The following TNR variants were observed in gnomAD, a reference collection of about 807,000 sequenced individuals.
The protein encoded by TNR is tenascin-R.
Under a neutral mutation model 150.4 loss-of-function variants are expected in TNR, and 45 were observed. The ratio of observed to expected loss-of-function variants is 0.30; its 90% CI spans 0.24 to 0.38. The LOEUF (loss-of-function observed/expected upper bound fraction) is 0.38, where lower values mean the gene tolerates loss of function less well. TNR is among the 10% of genes least tolerant of loss of function. The probability of loss-of-function intolerance (pLI) is 1.00; values close to 1 mark genes in which losing one functional copy is unlikely to be tolerated. For synonymous variants in TNR, 687 were observed against 678.4 expected (o/e 1.01, Z -0.20); for missense variants, 1,544 against 1,759.1 (o/e 0.88, Z 2.19).
intron 18 of TNR, among the ~76,000 whole-genome samples, chr1:175,338,551 G>A (rs1202979168): frequency 6.6e-6 from 1 of 152,208 alleles, no homozygotes; most frequent in African/African-American, 2.4e-5. Context: ...TGGTTTGGGT[G>A]CTCTGTAAAT....
At chr1:175,441,311 T>C (rs1356389118) in intron 2 of TNR, among the ~76,000 whole-genome samples, 1 of 152,168 alleles carries the variant, frequency 6.6e-6, no homozygotes, top group Non-Finnish European at 1.5e-5. Flanking sequence ...TTTGTTGGAA[T>C]TGTGCAAAAA....
At chr1:175,457,642 GC>G (rs1234809278) in intron 2 of TNR, among the ~76,000 whole-genome samples, 1 of 152,056 alleles carries the variant, frequency 6.6e-6, no homozygotes. Flanking sequence ...AGACCTTGAA[GC>G]AAAAAAACAG....
intron 1 of TNR, among the ~76,000 whole-genome samples, chr1:175,570,853 C>CTTT (rs1443231127): frequency 6.6e-6 from 1 of 152,176 alleles, no homozygotes; most frequent in African/African-American, 2.4e-5. Context: ...TCTCCCACAC[C>CTTT]TTTCCTAAAT....
At chr1:175,695,174 G>A (rs979878356) in intron 1 of TNR, among the ~76,000 whole-genome samples, 1 of 152,180 alleles carries the variant, frequency 6.6e-6, no homozygotes, top group African/African-American at 2.4e-5. Flanking sequence ...AGGGCTTCCT[G>A]TTGCTCTCCT....
At chr1:175,344,086 C>T (rs1435505202) in intron 18 of TNR, among the ~76,000 whole-genome samples, 1 of 152,216 alleles carries the variant, frequency 6.6e-6, no homozygotes, top group Non-Finnish European at 1.5e-5. Context: ...GCTCAAGGGC[C>T]TGCTTACAAA....
chr1:175,381,727 A>G (rs1036524685), intron 8 of TNR, among the ~76,000 whole-genome samples: 3 of 152,242 alleles, frequency 2.0e-5, no homozygotes, highest in Admixed American at 1.3e-4. Context: ...GAATAGACAT[A>G]TCTAGCCACT....
intron 2 of TNR, among the ~76,000 whole-genome samples, chr1:175,449,781 G>C (rs1179836437): frequency 6.6e-6 from 1 of 152,140 alleles, no homozygotes; most frequent in Admixed American, 6.5e-5. Flanking sequence ...CAGGAGGGAG[G>C]AGAGGCCTCT....
chr1:175,386,257 T>C lies in TNR; in HGVS notation c.1552A>G (p.Thr518Ala). ...GGAATCCACTCCACAAAAGCCACAG[T>C]GTCCGAGACATCGCGAACCAGGATC... ...TQILVRDVSD[T>A]VAFVEWIPPR... Residue 518 changes from threonine (T) to alanine (A), a missense_variant, in exon 8 of 23, where the codon ACT (threonine) becomes GCT (alanine). By Grantham distance (58) the Thr-to-Ala change is moderately conservative. This residue lies in a region of TNR where 1,254 missense variants were observed against 1,329.4 expected (regional missense o/e 0.94). Transcript: ENST00000367674. 1 of 1,591,296 alleles carries C rather than the reference T, an allele frequency of 6.3e-7. No homozygotes were observed. The highest frequency in any genetic ancestry group is 8.6e-7 in the Non-Finnish European group (1 of 1,163,356).
intron 8 of TNR, among the ~76,000 whole-genome samples, chr1:175,384,119 T>C (rs1339566219): frequency 2.6e-5 from 4 of 152,228 alleles, no homozygotes. Flanking sequence ...TCTCCTCTCC[T>C]TTTTGCCGCT....
At chr1:175,545,603 C>T (rs1660655953) in intron 1 of TNR, among the ~76,000 whole-genome samples, 1 of 152,172 alleles carries the variant, frequency 6.6e-6, no homozygotes, top group Admixed American at 6.5e-5. Flanking sequence ...ATAGCAAACA[C>T]ATAGTGCTCA....
intron 2 of TNR, among the ~76,000 whole-genome samples, chr1:175,480,999 C>T (rs1031138553): frequency 3.3e-5 from 5 of 151,942 alleles, no homozygotes; most frequent in Admixed American, 6.6e-5. Flanking sequence ...TAATGACTAC[C>T]AAGGAGTAAT....
At chr1:175,523,971 G>GCTC (rs1280540644) in intron 2 of TNR, among the ~76,000 whole-genome samples, 1 of 152,128 alleles carries the variant, frequency 6.6e-6, no homozygotes, top group Non-Finnish European at 1.5e-5. Context: ...TGCCCATGCT[G>GCTC]CTCCTCCTAC....
intron 1 of TNR, among the ~76,000 whole-genome samples, chr1:175,682,604 C>A (rs571044871): frequency 2.7e-4 from 41 of 152,302 alleles, no homozygotes; most frequent in African/African-American, 9.6e-4. Flanking sequence ...TATGATCACG[C>A]CTTATGATTA....
intron 1 of TNR, among the ~76,000 whole-genome samples, chr1:175,647,553 C>T (rs1464477416): frequency 6.6e-6 from 1 of 152,000 alleles, no homozygotes; most frequent in Non-Finnish European, 1.5e-5. Flanking sequence ...GAAGAAATCA[C>T]AGGCAGAACA....
chr1:175,681,271 C>T lies in TNR; in HGVS notation c.-165+61955G>A, dbSNP rs138666556. On this transcript the variant is annotated intron_variant, in intron 1 of 22. Transcript: ENST00000367674. ...AGTGCAGGAGGCCACGTGAGGAAGC[C>T]CGAGCCCAGAAAGAGAAGGAGAAAG... 6.2e-3 allele frequency among the ~76,000 whole-genome samples: 947 copies of T among 152,244 alleles called. 3 individuals are homozygous for T. The highest frequency in any genetic ancestry group is 0.01 in the Non-Finnish European group (711 of 68,010).
At chr1:175,594,985 T>G (rs1245831060) in intron 1 of TNR, among the ~76,000 whole-genome samples, 1 of 150,924 alleles carries the variant, frequency 6.6e-6, no homozygotes, top group Non-Finnish European at 1.5e-5. Context: ...TCCAACATGG[T>G]GAAACCCTGT....
At chr1:175,582,125 A>G (rs72725456) in intron 1 of TNR, among the ~76,000 whole-genome samples, 1,881 of 152,356 alleles carry the variant, frequency 0.012, 20 homozygotes, top group Middle Eastern at 0.024. Flanking sequence ...ATATTATCTC[A>G]TGACTTTTCC....
chr1:175,331,412 C>T (rs1478735158), intron 20 of TNR, among the ~76,000 whole-genome samples: 3 of 151,926 alleles, frequency 2.0e-5, no homozygotes, highest in Non-Finnish European at 2.9e-5. Context: ...TACAGGCACA[C>T]GCCACCATGC....
intron 1 of TNR, among the ~76,000 whole-genome samples, chr1:175,677,059 C>G (rs956772175): frequency 6.6e-6 from 1 of 152,184 alleles, no homozygotes; most frequent in Non-Finnish European, 1.5e-5. Context: ...TGTATGCAAT[C>G]CCAGGGGAAT....
Sources: allele counts gnomAD v4.1 joint callset (sites outside exome capture counted in the v4.1 genomes callset), GRCh38; gene constraint gnomAD v4.1.1; regional missense constraint gnomAD v4.1.1; transcripts MANE v1.5; gene names NCBI Gene and HGNC (gene_info 2026-07-23, HGNC 2026-07-21).